The following BRIP1 variants were observed in gnomAD, a reference collection of about 807,000 sequenced individuals.
BRIP1 encodes the protein BRCA1 interacting DNA helicase 1.
BRIP1 carries 88 observed loss-of-function variants against 119.7 expected under a neutral mutation model. That is an observed-to-expected ratio of 0.74 (90% CI 0.62 to 0.88). The LOEUF is 0.88. Among genes scored for constraint, BRIP1 ranks in the 40% least tolerant of loss-of-function variants. The probability of loss-of-function intolerance (pLI) is 0.00; values close to 1 mark genes in which losing one functional copy is unlikely to be tolerated. For synonymous variants in BRIP1, 443 were observed against 496.5 expected, an observed-to-expected ratio of 0.89 and a Z score of 1.43; for missense variants, 1,259 against 1,455.4, an observed-to-expected ratio of 0.87 and a Z score of 2.20.
rs1250658599 is a variant in BRIP1, at chr17:61,722,486, T to A, written c.2380-6423A>T. Among the ~76,000 whole-genome samples the A allele has an allele frequency of 6.6e-6, 1 of 152,234 alleles. No individual in the cohort carries two copies. Among genetic ancestry groups the A allele is most frequent in the African/African-American group, 2.4e-5 (1 of 41,470 alleles). On this transcript the variant is annotated intron_variant, in intron 16 of 19. Transcript: ENST00000259008. This position sits in a 1 kb window ranked among gnomAD's most constrained non-coding sequence, Gnocchi z 4.6. The stretch of plus-strand genomic sequence containing the variant: ...CTATAAGAAAAAGTACTTTTAAAAT[T>A]CTGTCCAGCTGGGAAAAATATATGT...
Position 61,716,009 on chromosome 17 carries a change from G to A in BRIP1, c.2434C>T (p.Pro812Ser), listed in dbSNP as rs779915262. 1 of 1,608,528 alleles carries A rather than the reference G, an allele frequency of 6.2e-7. No homozygotes were observed. The highest frequency in any genetic ancestry group is 1.7e-5 in the Admixed American group (1 of 59,826). Residue 812 changes from proline (P) to serine (S), a missense_variant, in exon 17 of 20, where the codon CCT becomes TCT. Physicochemically the swap from Pro to Ser is moderately conservative, Grantham distance 74. Around this residue, in one of 3 missense-constraint regions of BRIP1, gnomAD observed 753 missense variants for 891.8 expected, o/e 0.84. Transcript: ENST00000259008. ...DHHSKLRGLL[P>S]GRQWYEIQAY... is the part of the protein sequence containing the mutation. Reference sequence around the variant, plus strand: ...TGAATTTCATACCACTGACGGCCAGGTAGAAGACCTCTCAATTTTGAATGG... The same window carrying A: ...TGAATTTCATACCACTGACGGCCAGATAGAAGACCTCTCAATTTTGAATGG...
chr17:61,776,536 G>A lies in BRIP1; in HGVS notation c.1962C>T (p.Gly654=), dbSNP rs786201877. Residue 654 remains glycine, a synonymous_variant, in exon 14 of 20, where the codon GGC becomes GGT. Transcript: ENST00000259008. This position sits in a 1 kb window ranked among gnomAD's most constrained non-coding sequence, Gnocchi z 5.0. The part of the protein sequence containing the change: ...SQVWVGTIGS[G]PKGRNLCATF... ...TAGCACAGAGATTCCGACCCTTGGG[G>A]CCTGACCCAATGGTACCAACCCAAA... 6.2e-7 allele frequency: 1 copy of A among 1,614,086 alleles called. No individual in the cohort carries two copies. Among genetic ancestry groups the A allele is most frequent in the Non-Finnish European group, 8.5e-7 (1 of 1,180,000 alleles).
rs1384186990 is a variant in BRIP1, at chr17:61,689,502, A to G, written c.2576-3337T>C. On this transcript the variant is annotated intron_variant, in intron 18 of 19. Transcript: ENST00000259008. The surrounding 1 kb of genome is among the most constrained non-coding windows in gnomAD (Gnocchi z 4.5). The stretch of plus-strand genomic sequence containing the variant: ...AAAGAGAAAGAGAGAAAGGAGCAGA[A>G]AGCTTATTTATAGAAATAATGACCG... Among the ~76,000 whole-genome samples, 1 of 152,192 alleles carries G rather than the reference A, an allele frequency of 6.6e-6. No individual in the cohort carries two copies. The highest frequency in any genetic ancestry group is 1.5e-5 in the Non-Finnish European group (1 of 68,034).
Position 61,682,542 on chromosome 17 carries a change from A to G in BRIP1, c.*754T>C, listed in dbSNP as rs1349821908. ...ACTACTTTCTTAATTTCTCTTAATT[A>G]CTTATAAGTAGGCAGTTTAATAACG... On this transcript the variant is annotated 3_prime_UTR_variant, in exon 20 of 20. Coordinates refer to ENST00000259008, the MANE Select transcript of BRIP1 (RefSeq NM_032043.3). This position sits in a 1 kb window ranked among gnomAD's most constrained non-coding sequence, Gnocchi z 4.9. 5.1e-6 allele frequency: 1 copy of G among 196,658 alleles called. No homozygotes were observed. The highest frequency in any genetic ancestry group is 1.1e-5 in the Non-Finnish European group (1 of 94,926). 12.2% of individuals were successfully genotyped at this position (196,658 alleles called of 1,614,324 possible). A position where few individuals can be genotyped will look rare whatever the true frequency, so the allele number is the denominator to read the frequency against.
Position 61,799,395 on chromosome 17 carries a change from A to G in BRIP1, c.1141-96T>C. On this transcript the variant is annotated intron_variant, in intron 8 of 19. Coordinates refer to ENST00000259008, the MANE Select transcript of BRIP1 (RefSeq NM_032043.3). The surrounding 1 kb of genome is among the most constrained non-coding windows in gnomAD (Gnocchi z 5.1). The stretch of plus-strand genomic sequence containing the variant: ...CATTTTAAAATTCACACTATAGGCC[A>G]ATATTGCAAATGCAATTACATAAGC... The G allele has an allele frequency of 1.1e-6, 1 of 916,980 alleles. No individual in the cohort carries two copies. Among genetic ancestry groups the G allele is most frequent in the Non-Finnish European group, 1.7e-6 (1 of 603,722 alleles). 56.8% of individuals were successfully genotyped at this position (916,980 alleles called of 1,614,324 possible). A position where few individuals can be genotyped will look rare whatever the true frequency, so the allele number is the denominator to read the frequency against.
At chr17:61,847,841 T>C (rs1567867344) in intron 5 of BRIP1, among the ~76,000 whole-genome samples, 1 of 152,218 alleles carries the variant, frequency 6.6e-6, no homozygotes, top group Non-Finnish European at 1.5e-5. Context: ...TTTCTATTGA[T>C]AATCTCATTC....
rs1353471046 is a variant in BRIP1, at chr17:61,834,632, C to T, written c.627+12469G>A. Among the ~76,000 whole-genome samples the T allele has an allele frequency of 6.6e-6, 1 of 152,134 alleles. No homozygotes were observed. Among genetic ancestry groups the T allele is most frequent in the Admixed American group, 6.5e-5 (1 of 15,274 alleles). On this transcript the variant is annotated intron_variant, in intron 6 of 19. Transcript: ENST00000259008. The surrounding 1 kb of genome is among the most constrained non-coding windows in gnomAD (Gnocchi z 4.4). ...TGGTCATGTGATTTGCTTTTGGTGA[C>T]TGGAACATTAGCAAACCTGACACAA...
chr17:61,819,787 TAGAA>T (rs1199788077), intron 6 of BRIP1, among the ~76,000 whole-genome samples: 2 of 151,936 alleles, frequency 1.3e-5, no homozygotes, highest in African/African-American at 2.4e-5. Flanking sequence ...AAAAAGTAGT[TAGAA>T]AGAATAAATA....
chr17:61,764,168 A>G (rs2077317679), intron 14 of BRIP1, among the ~76,000 whole-genome samples: 1 of 152,192 alleles, frequency 6.6e-6, no homozygotes, highest in Non-Finnish European at 1.5e-5. Flanking sequence ...ACTCTAATAA[A>G]GTGTGTCAAT....
rs1460146751 is a variant in BRIP1 at position 61,808,221 on chromosome 17, G to A, written c.918+246C>T. Among the ~76,000 whole-genome samples the A allele has an allele frequency of 6.6e-6, 1 of 152,050 alleles. No homozygotes were observed. The highest frequency in any genetic ancestry group is 2.4e-5 in the African/African-American group (1 of 41,412). On this transcript the variant is annotated intron_variant, in intron 7 of 19. Coordinates refer to ENST00000259008, the MANE Select transcript of BRIP1 (RefSeq NM_032043.3). This position sits in a 1 kb window ranked among gnomAD's most constrained non-coding sequence, Gnocchi z 4.1. The stretch of plus-strand genomic sequence containing the variant: ...AGGATTTAAAAGAAGAAACTAAGAT[G>A]TCTGACTACAACAGAAATTAATTTC...
rs1047689690 is a variant in BRIP1 at position 61,714,938 on chromosome 17, A to G, written c.2492+1013T>C. ...TACCTCAGCCTCCCGAGTAGCTCACATCTGTAATCCCAGCACTTTGGGAAG... is the reference window on the plus strand; with the variant it reads ...TACCTCAGCCTCCCGAGTAGCTCACGTCTGTAATCCCAGCACTTTGGGAAG... On this transcript the variant is annotated intron_variant, in intron 17 of 19. Coordinates refer to ENST00000259008, the MANE Select transcript of BRIP1 (RefSeq NM_032043.3). Among the ~76,000 whole-genome samples, 7 of 151,540 alleles carry G rather than the reference A, an allele frequency of 4.6e-5. No homozygotes were observed. The East Asian group carries it at 1.2e-3, about 25-fold the overall frequency.
At position 61,744,407 on chromosome 17, in the gene BRIP1, C is replaced by T. The variant is rs769919982; in HGVS notation, c.2257+25G>A. On this transcript the variant is annotated intron_variant, in intron 15 of 19. Transcript: ENST00000259008. This position sits in a 1 kb window ranked among gnomAD's most constrained non-coding sequence, Gnocchi z 5.0. ...TTTGTAATAAAAAATATTTTTTCAC[C>T]GACCATGAAATAATTTCCAGTTACC... 34 of 1,606,946 alleles carry T rather than the reference C, an allele frequency of 2.1e-5. No individual in the cohort carries two copies. The South Asian group carries it at 3.3e-4, about 16-fold the overall frequency.
rs924821852 is a variant in BRIP1 at position 61,815,838 on chromosome 17, T to C, written c.628-7081A>G. 2.6e-5 allele frequency among the ~76,000 whole-genome samples: 4 copies of C among 152,204 alleles called. No homozygotes were observed. The highest frequency in any genetic ancestry group is 9.6e-5 in the African/African-American group (4 of 41,464). ...TAAAAGGCCAATGAACATAGAATTA[T>C]ACTACAAACTTTGAGACATAAAAAA... is the stretch of plus-strand genomic sequence containing the variant. On this transcript the variant is annotated intron_variant, in intron 6 of 19. Transcript: ENST00000259008. This position sits in a 1 kb window ranked among gnomAD's most constrained non-coding sequence, Gnocchi z 4.1.
Position 61,693,663 on chromosome 17 carries a change from C to CAGAAAAGTT in BRIP1, c.2493-152_2493-151insAACTTTTCT. 1.5e-6 allele frequency: 1 copy of CAGAAAAGTT among 670,052 alleles called. No homozygotes were observed. Among genetic ancestry groups the CAGAAAAGTT allele is most frequent in the Non-Finnish European group, 2.6e-6 (1 of 388,740 alleles). 41.5% of individuals were successfully genotyped at this position (670,052 alleles called of 1,614,324 possible). On this transcript the variant is annotated intron_variant, in intron 17 of 19. Transcript: ENST00000259008. This position sits in a 1 kb window ranked among gnomAD's most constrained non-coding sequence, Gnocchi z 4.2. ...CAGAAAAGTTACAGAAGCTATCCAA[C>CAGAAAAGTT]ACAATGTAACAAACTAGATGTATTA...
Position 61,727,591 on chromosome 17 carries a change from A to T in BRIP1, c.2380-11528T>A, listed in dbSNP as rs1234835769. On this transcript the variant is annotated intron_variant, in intron 16 of 19. Transcript: ENST00000259008. ...GGACCAGCCAGGGCAACATAGCAAG[A>T]CCCTGTCTCTACAAAATAAAAATTA... Among the ~76,000 whole-genome samples, 3 of 151,872 alleles carry T rather than the reference A, an allele frequency of 2.0e-5. No homozygotes were observed. In the East Asian group the frequency reaches 5.8e-4, roughly 29 times the overall value.
Position 61,693,650 on chromosome 17 carries a change from A to G in BRIP1, c.2493-138T>C, listed in dbSNP as rs906971839. On this transcript the variant is annotated intron_variant, in intron 17 of 19. Transcript: ENST00000259008. The surrounding 1 kb of genome is among the most constrained non-coding windows in gnomAD (Gnocchi z 4.2). The stretch of plus-strand genomic sequence containing the variant: ...AATTTGTTATTATCAGAAAAGTTAC[A>G]GAAGCTATCCAACACAATGTAACAA... The G allele has an allele frequency of 1.4e-6, 1 of 733,408 alleles. No homozygotes were observed. The highest frequency in any genetic ancestry group is 1.8e-5 in the African/African-American group (1 of 56,596). 45.4% of individuals were successfully genotyped at this position (733,408 alleles called of 1,614,324 possible).
chr17:61,716,147 T>C (rs2061859004), intron 16 of BRIP1, 84 bp from the exon 17 acceptor site: 7 of 846,558 alleles, frequency 8.3e-6, no homozygotes, highest in African/African-American at 1.7e-5. Flanking sequence ...ACAGTTTGAA[T>C]ATACATATTT....
At chr17:61,859,243 C>T (rs1022266927) in intron 3 of BRIP1, among the ~76,000 whole-genome samples, 3 of 151,990 alleles carry the variant, frequency 2.0e-5, no homozygotes, top group Non-Finnish European at 4.4e-5. Context: ...GGATTTCCCC[C>T]CCCAAAAAAA....
chr17:61,718,003 C>T (rs1438843225), intron 16 of BRIP1, among the ~76,000 whole-genome samples: 2 of 152,122 alleles, frequency 1.3e-5, no homozygotes, highest in African/African-American at 4.8e-5. Flanking sequence ...TTCTGTTTCT[C>T]TTTTCAGTAT....
Sources: allele counts gnomAD v4.1 joint callset (sites outside exome capture counted in the v4.1 genomes callset), GRCh38; gene constraint gnomAD v4.1.1; regional missense constraint gnomAD v4.1.1; non-coding constraint Gnocchi (gnomAD v3.1); transcripts MANE v1.5; gene names NCBI Gene and HGNC (gene_info 2026-07-23, HGNC 2026-07-21).